The following DCLK1 variants were observed in gnomAD, a reference collection of about 807,000 sequenced individuals.
DCLK1 encodes the protein doublecortin like kinase 1, also known as serine/threonine-protein kinase DCLK1.
A neutral mutation model predicts 86.2 loss-of-function variants in DCLK1; 16 were observed. The observed-to-expected ratio is 0.19, with a 90% CI of 0.13 to 0.28. The LOEUF is 0.28. Among genes scored for constraint, DCLK1 ranks in the 10% least tolerant of loss-of-function variants. The pLI, the probability that DCLK1 is intolerant of heterozygous loss-of-function variation, is 1.00. For missense variants in DCLK1, 590 were observed against 940.2 expected, an observed-to-expected ratio of 0.63 and a Z score of 4.87; for synonymous variants, 369 against 370.5, an observed-to-expected ratio of 1.00 and a Z score of 0.05.
chr13:35,786,332 C>T (rs2086620596), intron 16 of DCLK1, among the ~76,000 whole-genome samples: 1 of 152,072 alleles, frequency 6.6e-6, no homozygotes, highest in Non-Finnish European at 1.5e-5. Context: ...TACTTGATGC[C>T]TATTTTTAAT....
intron 4 of DCLK1, among the ~76,000 whole-genome samples, chr13:35,940,590 A>G (rs979367379): frequency 2.6e-5 from 4 of 152,126 alleles, no homozygotes; most frequent in Non-Finnish European, 5.9e-5. Context: ...TTTAACCCAA[A>G]TCAACATGGG....
intron 4 of DCLK1, among the ~76,000 whole-genome samples, chr13:35,895,163 G>C (rs367688266): frequency 6.6e-6 from 1 of 151,850 alleles, no homozygotes; most frequent in Non-Finnish European, 1.5e-5. Flanking sequence ...GGCTAGTCTC[G>C]AACGATCTCA....
chr13:36,104,332 A>T (rs1036144346), intron 3 of DCLK1, among the ~76,000 whole-genome samples: 2 of 152,172 alleles, frequency 1.3e-5, no homozygotes, highest in Non-Finnish European at 2.9e-5. Flanking sequence ...AGCTCTGGAG[A>T]CTCAAAGGCC....
At chr13:36,090,696 C>A (rs145058950) in intron 3 of DCLK1, among the ~76,000 whole-genome samples, 1 of 152,196 alleles carries the variant, frequency 6.6e-6, no homozygotes, top group Non-Finnish European at 1.5e-5. Flanking sequence ...TAACTGGATT[C>A]CCAAAACATT....
chr13:35,980,560 T>G (rs1296856184), intron 3 of DCLK1, among the ~76,000 whole-genome samples: 1 of 152,154 alleles, frequency 6.6e-6, no homozygotes, highest in African/African-American at 2.4e-5. Context: ...CCTTCTACTT[T>G]CTGTCTTTTT....
intron 3 of DCLK1, among the ~76,000 whole-genome samples, chr13:36,022,358 G>A (rs2153150850): frequency 6.6e-6 from 1 of 151,868 alleles, no homozygotes; most frequent in East Asian, 1.9e-4. Context: ...TAAGGAAATT[G>A]GAAAACAAGC....
chr13:35,849,064 A>G (rs1870417717), intron 6 of DCLK1: 1 of 985,330 alleles, frequency 1.0e-6, no homozygotes, highest in South Asian at 4.7e-5. Flanking sequence ...CCTGCCAGAG[A>G]AGTGTCTTTC....
intron 4 of DCLK1, among the ~76,000 whole-genome samples, chr13:35,941,704 C>A (rs964587986): frequency 6.6e-6 from 1 of 152,180 alleles, no homozygotes; most frequent in Admixed American, 6.6e-5. Flanking sequence ...ATACAAAAAT[C>A]TGAAAGCTTG....
intron 15 of DCLK1, among the ~76,000 whole-genome samples, chr13:35,798,689 T>A (rs1313024230): frequency 6.6e-6 from 1 of 152,222 alleles, no homozygotes; most frequent in African/African-American, 2.4e-5. Context: ...AAAATGCCCA[T>A]ATGGAAACTG....
rs752531213 is a variant in DCLK1, at chr13:35,854,627, T to C, written c.941-34A>G. On this transcript the variant is annotated intron_variant, in intron 5 of 16. Transcript: ENST00000360631. ...ACAAAGAATCACACACAGAGAAAAA[T>C]GGCACGTTAAATAATTTTCATGACA... 13 of 1,507,396 alleles carry C rather than the reference T, an allele frequency of 8.6e-6. No homozygotes were observed. In the Admixed American group the frequency reaches 1.5e-4, roughly 17 times the overall value. The allele number at this position is 1,507,396 out of a possible 1,614,324, so 93.4% of individuals were successfully genotyped here.
intron 7 of DCLK1, 22 bp from the exon 8 acceptor site, chr13:35,836,163 T>C: frequency 1.3e-6 from 2 of 1,581,058 alleles, no homozygotes; most frequent in Non-Finnish European, 1.7e-6. Flanking sequence ...ATTAATACTT[T>C]TTTATTGGTT....
intron 3 of DCLK1, among the ~76,000 whole-genome samples, chr13:36,014,692 T>C (rs926730568): frequency 1.3e-5 from 2 of 152,290 alleles, no homozygotes; most frequent in African/African-American, 2.4e-5. Context: ...TTCTAGTCTG[T>C]AAAAAAATTA....
intron 3 of DCLK1, among the ~76,000 whole-genome samples, chr13:35,983,715 T>C (rs772371982): frequency 2.0e-5 from 3 of 152,258 alleles, no homozygotes; most frequent in Admixed American, 1.3e-4. Context: ...AAACATCTTA[T>C]GTACCCATAA....
At chr13:36,092,804 C>T (rs550462165) in intron 3 of DCLK1, among the ~76,000 whole-genome samples, 4 of 152,198 alleles carry the variant, frequency 2.6e-5, no homozygotes, top group Admixed American at 6.5e-5. Context: ...CGTTTTCTTT[C>T]CTTTTCCTTT....
intron 16 of DCLK1, among the ~76,000 whole-genome samples, chr13:35,787,652 T>TAAAACA (rs1313566222): frequency 2.1e-4 from 32 of 151,860 alleles, no homozygotes; most frequent in African/African-American, 7.7e-4. Flanking sequence ...GAGGGAACAA[T>TAAAACA]AAAACAAAAA....
At chr13:35,809,741 G>A (rs993374875) in intron 12 of DCLK1, among the ~76,000 whole-genome samples, 2 of 152,166 alleles carry the variant, frequency 1.3e-5, no homozygotes, top group African/African-American at 4.8e-5. Flanking sequence ...GGTCAGACAA[G>A]GCTATGGATG....
At chr13:35,816,244 T>C (rs1296211709) in intron 11 of DCLK1, among the ~76,000 whole-genome samples, 2 of 152,194 alleles carry the variant, frequency 1.3e-5, no homozygotes, top group Admixed American at 6.6e-5. Context: ...ATGATCACTA[T>C]AGACGAAAAG....
At chr13:36,104,464 G>T (rs567635701) in intron 3 of DCLK1, among the ~76,000 whole-genome samples, 2 of 152,308 alleles carry the variant, frequency 1.3e-5, no homozygotes, top group Admixed American at 1.3e-4. Flanking sequence ...GGCTCCAAGA[G>T]AGTGAGTTGT....
chr13:36,086,430 A>G (rs924439166), intron 3 of DCLK1, among the ~76,000 whole-genome samples: 5 of 150,840 alleles, frequency 3.3e-5, no homozygotes, highest in Non-Finnish European at 7.4e-5. Flanking sequence ...CTACAGCTGG[A>G]AATAAAATGT....
Sources: allele counts gnomAD v4.1 joint callset (sites outside exome capture counted in the v4.1 genomes callset), GRCh38; gene constraint gnomAD v4.1.1; transcripts MANE v1.5; gene names NCBI Gene and HGNC (gene_info 2026-07-23, HGNC 2026-07-21).